The following SSH1 variants were observed in gnomAD, a reference collection of about 807,000 sequenced individuals.
SSH1 encodes protein phosphatase Slingshot homolog 1.
SSH1 carries 43 observed loss-of-function variants against 79.7 expected under a neutral mutation model. The ratio of observed to expected loss-of-function variants is 0.54; its 90% CI spans 0.42 to 0.70. The LOEUF (loss-of-function observed/expected upper bound fraction) is 0.70, where lower values mean the gene tolerates loss of function less well. Among genes scored for constraint, SSH1 ranks in the 30% least tolerant of loss-of-function variants. The pLI, the probability that SSH1 is intolerant of heterozygous loss-of-function variation, is 0.00. For synonymous variants in SSH1, 599 were observed against 538.3 expected (o/e 1.11, Z -1.56); for missense variants, 1,206 against 1,358.8 (o/e 0.89, Z 1.77).
At position 108,780,571 on chromosome 12, in the gene SSH1, G is replaced by C. The variant is rs1450810096; in HGVS notation, c.*7417C>G. 6.6e-6 allele frequency: 1 copy of C among 152,170 alleles called. No individual in the cohort carries two copies. The highest frequency in any genetic ancestry group is 1.5e-5 in the Non-Finnish European group (1 of 68,036). The allele number at this position is 152,170 out of a possible 1,614,324, so 9.4% of individuals were successfully genotyped here. A position where few individuals can be genotyped will look rare whatever the true frequency, so the allele number is the denominator to read the frequency against. The stretch of plus-strand genomic sequence containing the variant: ...CCATCAGAATTCCCAGGGAATCTCA[G>C]AAACATACAGATTGCTGGGGCCCAT... On this transcript the variant is annotated 3_prime_UTR_variant, in exon 15 of 15. Transcript: ENST00000326495.
At chr12:108,820,495 T>C (rs533857662) in intron 3 of SSH1, among the ~76,000 whole-genome samples, 34 of 152,322 alleles carry the variant, frequency 2.2e-4, no homozygotes, top group Non-Finnish European at 4.4e-5. Flanking sequence ...AACCCCTGTC[T>C]GATAAATGCC....
chr12:108,857,503 G>A lies in SSH1; in HGVS notation c.-7C>T, dbSNP rs774022680. 2.6e-6 allele frequency: 3 copies of A among 1,132,430 alleles called. No individual in the cohort carries two copies. The highest frequency in any genetic ancestry group is 9.8e-5 in the East Asian group (1 of 10,234). The allele number at this position is 1,132,430 out of a possible 1,614,324, so 70.1% of individuals were successfully genotyped here. ...GCAGGGTCACCAGGGCCATGGCTGC[G>A]GCGCGGTGCGAGGGCGCCACAGACG... On this transcript the variant is annotated 5_prime_UTR_variant, in exon 1 of 15. Transcript: ENST00000326495. This position sits in a 1 kb window ranked among gnomAD's most constrained non-coding sequence, Gnocchi z 4.7.
At chr12:108,798,905 G>A (rs1344991300) in intron 13 of SSH1, 95 bp downstream of exon 13, 1 of 1,445,224 alleles carries the variant, frequency 6.9e-7, no homozygotes, top group African/African-American at 1.4e-5. Flanking sequence ...GGGCCGAATG[G>A]GAGCATGCTC....
Position 108,806,297 on chromosome 12 carries a change from T to C in SSH1, c.825+4A>G. The C allele has an allele frequency of 2.5e-6, 4 of 1,613,988 alleles. No individual in the cohort carries two copies. The highest frequency in any genetic ancestry group is 3.4e-6 in the Non-Finnish European group (4 of 1,179,840). On this transcript the variant is annotated splice_donor_region_variant and intron_variant, in intron 9 of 14. Transcript: ENST00000326495. ...ACCTGCAATGAAGGGAGGAGTTGTC[T>C]TACCTCTTTGGAAGTCACATTTTCT... is the stretch of plus-strand genomic sequence containing the variant.
In SSH1 at chr12:108,852,655, ATCT is replaced by A. The variant is rs2039066617; in HGVS notation, c.90_92del (p.Glu30del). The A allele has an allele frequency of 8.1e-6, 13 of 1,614,036 alleles. No individual in the cohort carries two copies. Among genetic ancestry groups the A allele is most frequent in the South Asian group, 1.1e-5 (1 of 91,092 alleles). The stretch of plus-strand genomic sequence containing the variant: ...CTGCTTACCTGAGGTTTAATTTTCG[ATCT>A]TCTTCGCTGCCAGCCTCCAACTACA... On this transcript the variant is annotated inframe_deletion, in exon 2 of 15. Transcript: ENST00000326495.
chr12:108,852,217 G>A (rs1487503010), intron 2 of SSH1, among the ~76,000 whole-genome samples: 2 of 151,234 alleles, frequency 1.3e-5, no homozygotes, highest in Non-Finnish European at 2.9e-5. Flanking sequence ...AATTTCTAAA[G>A]CACTAAAAAA....
intron 4 of SSH1, 126 bp downstream of exon 4, chr12:108,818,123 A>G (rs1013515214): frequency 3.9e-6 from 3 of 766,660 alleles, no homozygotes; most frequent in African/African-American, 3.5e-5. Context: ...GCTTGAACCC[A>G]GGAGTTTGAG....
chr12:108,796,576 TTTTG>T lies in SSH1; in HGVS notation c.1349+2420_1349+2423del, dbSNP rs554784384. ...TATCCCATTGTATGAATATGTCACGTTTTGTTTGTTTATTCATCCATCAATGAAC... is the reference window on the plus strand; with the variant it reads ...TATCCCATTGTATGAATATGTCACGTTTTGTTTATTCATCCATCAATGAAC... On this transcript the variant is annotated intron_variant, in intron 13 of 14. Coordinates refer to ENST00000326495, the MANE Select transcript of SSH1 (RefSeq NM_018984.4). Among the ~76,000 whole-genome samples, 564 of 152,278 alleles carry T rather than the reference TTTTG, an allele frequency of 3.7e-3. 2 individuals are homozygous for T. Among genetic ancestry groups the T allele is most frequent in the African/African-American group, 8.3e-3 (344 of 41,576 alleles).
chr12:108,824,799 C>G (rs185250034), intron 2 of SSH1, among the ~76,000 whole-genome samples: 55 of 152,276 alleles, frequency 3.6e-4, no homozygotes, highest in Middle Eastern at 3.4e-3. Context: ...ACTTGGCTAT[C>G]AAGTCTGGCT....
At chr12:108,828,938 A>G (rs1476798109) in intron 2 of SSH1, among the ~76,000 whole-genome samples, 1 of 152,226 alleles carries the variant, frequency 6.6e-6, no homozygotes, top group Non-Finnish European at 1.5e-5. Flanking sequence ...TATTTTCTCC[A>G]TATGACAAAC....
rs1200553714 is a variant in SSH1, at chr12:108,783,691, GAC to G, written c.*4295_*4296del. 6 of 152,334 alleles carry G rather than the reference GAC, an allele frequency of 3.9e-5. No individual in the cohort carries two copies. The highest frequency in any genetic ancestry group is 2.1e-4 in the South Asian group (1 of 4,830). 9.4% of individuals were successfully genotyped at this position (152,334 alleles called of 1,614,324 possible). On this transcript the variant is annotated 3_prime_UTR_variant, in exon 15 of 15. Transcript: ENST00000326495. ...AGGTGATTTGCTCTGTGGCTCAGGT[GAC>G]ACAGTGTGTCTGGATGCACATGATC... is the stretch of plus-strand genomic sequence containing the variant.
intron 6 of SSH1, 73 bp downstream of exon 6, chr12:108,811,187 G>A (rs1317056470): frequency 4.4e-6 from 6 of 1,356,448 alleles, no homozygotes; most frequent in Non-Finnish European, 5.3e-6. Flanking sequence ...ATCATCCAAG[G>A]ATGCCTGAAC....
intron 6 of SSH1, among the ~76,000 whole-genome samples, chr12:108,810,748 C>T (rs929446050): frequency 2.0e-5 from 3 of 152,236 alleles, no homozygotes; most frequent in African/African-American, 4.8e-5. Flanking sequence ...TGAACGCGTG[C>T]GGACGCTAGA....
chr12:108,803,065 AG>A (rs2037093221), intron 10 of SSH1, among the ~76,000 whole-genome samples: 1 of 151,948 alleles, frequency 6.6e-6, no homozygotes, highest in African/African-American at 2.4e-5. Context: ...AAAAATTTTA[AG>A]AGAGGAGGAT....
chr12:108,810,775 G>C (rs1165151803), intron 6 of SSH1, among the ~76,000 whole-genome samples: 1 of 152,168 alleles, frequency 6.6e-6, no homozygotes, highest in African/African-American at 2.4e-5. Flanking sequence ...CTCATCCCCC[G>C]ACTGCCTGCC....
chr12:108,791,816 G>T (rs187312595), intron 14 of SSH1: 29 of 459,100 alleles, frequency 6.3e-5, no homozygotes, highest in African/African-American at 5.1e-4. Context: ...TTAGATACAG[G>T]TATCTATATC....
At position 108,792,465 on chromosome 12, in the gene SSH1, G is replaced by A. The variant is rs752782799; in HGVS notation, c.1714C>T (p.Leu572=). The part of the protein sequence containing the change: ...GLCEKDVKKK[L]EFGSPKGRSG... ...CGACCTTTGGGACTCCCAAACTCTA[G>A]TTTCTTCTTCACATCCTTCTCACAG... The change falls in exon 14 of 15, where the codon CTA becomes TTA. Residue 572 remains leucine, a synonymous_variant. Transcript: ENST00000326495. 3.7e-6 allele frequency: 6 copies of A among 1,614,058 alleles called. No individual in the cohort carries two copies. In the East Asian group the frequency reaches 1.1e-4, roughly 30 times the overall value.
chr12:108,809,828 G>T (rs2037485896), intron 6 of SSH1, 70 bp from the exon 7 acceptor site: 1 of 1,388,996 alleles, frequency 7.2e-7, no homozygotes, highest in Non-Finnish European at 1.0e-6. Context: ...ATCACTCTGG[G>T]AGGAGGGAGC....
intron 2 of SSH1, chr12:108,826,481 G>A (rs1474999132): frequency 1.1e-5 from 2 of 181,770 alleles, no homozygotes; most frequent in Non-Finnish European, 1.1e-5. Context: ...ATCACCCTGC[G>A]TCCTGCAAAT....
Sources: allele counts gnomAD v4.1 joint callset (sites outside exome capture counted in the v4.1 genomes callset), GRCh38; gene constraint gnomAD v4.1.1; non-coding constraint Gnocchi (gnomAD v3.1); transcripts MANE v1.5; gene names NCBI Gene and HGNC (gene_info 2026-07-23, HGNC 2026-07-21).